Variants in FBLN1 observed in about 807,000 individuals in gnomAD.
FBLN1 encodes fibulin-1.
A neutral mutation model predicts 89.7 loss-of-function variants in FBLN1; 34 were observed. That is an observed-to-expected ratio of 0.38 (90% confidence interval 0.29 to 0.50). FBLN1 has a LOEUF of 0.50. FBLN1 is among the 20% of genes least tolerant of loss of function. The probability of loss-of-function intolerance (pLI) is 0.92; values close to 1 mark genes in which losing one functional copy is unlikely to be tolerated. For missense variants in FBLN1, 777 were observed against 988.1 expected, an observed-to-expected ratio of 0.79 and a Z score of 2.86; for synonymous variants, 393 against 391.3, an observed-to-expected ratio of 1.00 and a Z score of -0.05.
rs749250097 is a variant in FBLN1 at position 45,535,352 on chromosome 22, G to A, written c.922+15G>A. On this transcript the variant is annotated intron_variant, in intron 8 of 16. Transcript: ENST00000327858. ...CAACTGTATTGGTAAGAGGTGTGCC[G>A]CCAGGATTAGCGGGTTATTCCAGGA... 5.0e-6 allele frequency: 8 copies of A among 1,613,792 alleles called. No individual in the cohort carries two copies. Among genetic ancestry groups the A allele is most frequent in the African/African-American group, 1.3e-5 (1 of 75,040 alleles).
At chr22:45,544,571 C>T (rs2088602252) in intron 11 of FBLN1, among the ~76,000 whole-genome samples, 1 of 152,194 alleles carries the variant, frequency 6.6e-6, no homozygotes, top group Non-Finnish European at 1.5e-5. Flanking sequence ...AAAGTAGATG[C>T]TTCTAAGGAA....
Position 45,564,192 on chromosome 22 carries a change from C to T in FBLN1, c.1698-10319C>T, listed in dbSNP as rs536502701. 8.5e-4 allele frequency among the ~76,000 whole-genome samples: 129 copies of T among 152,006 alleles called. 1 individual carries two copies. The highest frequency in any genetic ancestry group is 2.8e-3 in the African/African-American group (115 of 41,510). ...AATACCTCCACTGAGGGCCTTAACC[C>T]CCTGCCTCCCTCCATCTCCTCCACC... On this transcript the variant is annotated intron_variant, in intron 14 of 16. Coordinates refer to ENST00000327858, the MANE Select transcript of FBLN1 (RefSeq NM_006486.3).
In FBLN1 at chr22:45,561,720, G is replaced by A. The variant is rs904329845; in HGVS notation, c.1697+11105G>A. ...GGTTCTCTAGAGGGACAGAACTAACGGAATACATATGTATAATGGAGAGTT... is the reference window on the plus strand; with the variant it reads ...GGTTCTCTAGAGGGACAGAACTAACAGAATACATATGTATAATGGAGAGTT... On this transcript the variant is annotated intron_variant, in intron 14 of 16. Transcript: ENST00000327858. The surrounding 1 kb of genome is among the most constrained non-coding windows in gnomAD (Gnocchi z 4.7). Among the ~76,000 whole-genome samples the A allele has an allele frequency of 1.3e-5, 2 of 152,096 alleles. No individual in the cohort carries two copies. Among genetic ancestry groups the A allele is most frequent in the African/African-American group, 2.4e-5 (1 of 41,396 alleles).
chr22:45,513,474 T>C (rs715511), intron 1 of FBLN1, among the ~76,000 whole-genome samples: 20,978 of 152,012 alleles, frequency 0.14, 1,705 homozygotes, highest in Middle Eastern at 0.27. Flanking sequence ...ACCCGGCTAA[T>C]TGTAGCTGGG....
chr22:45,539,644 G>A (rs535257793), intron 8 of FBLN1, among the ~76,000 whole-genome samples: 2 of 152,350 alleles, frequency 1.3e-5, no homozygotes, highest in South Asian at 2.1e-4. Context: ...CCAAGTGAAC[G>A]GGGACCTTGG....
At chr22:45,523,049 G>A (rs761936889) in intron 2 of FBLN1, 1 of 675,396 alleles carries the variant, frequency 1.5e-6, no homozygotes, top group South Asian at 1.7e-5. Context: ...GGGAAACAGG[G>A]AGGCATAGGG....
At chr22:45,517,653 C>A (rs1569235409) in intron 1 of FBLN1, 1 of 470,834 alleles carries the variant, frequency 2.1e-6, no homozygotes, top group East Asian at 7.0e-5. Context: ...CTGTCCTCAC[C>A]AGACTTCTCA....
Position 45,532,541 on chromosome 22 carries a change from C to T in FBLN1, c.545-522C>T, listed in dbSNP as rs1474383998. Among the ~76,000 whole-genome samples the T allele has an allele frequency of 2.6e-5, 4 of 152,094 alleles. No individual in the cohort carries two copies. Among genetic ancestry groups the T allele is most frequent in the African/African-American group, 9.7e-5 (4 of 41,392 alleles). ...TTTGCACTCTGAGCATCACTCTGGCCACCCTGTAGGAAGAACAGGTTGTGG... is the reference window on the plus strand; with the variant it reads ...TTTGCACTCTGAGCATCACTCTGGCTACCCTGTAGGAAGAACAGGTTGTGG... On this transcript the variant is annotated intron_variant, in intron 5 of 16. Transcript: ENST00000327858. The surrounding 1 kb of genome is among the most constrained non-coding windows in gnomAD (Gnocchi z 4.2).
In FBLN1 at chr22:45,581,449, C is replaced by T. The variant is rs1156327314; in HGVS notation, c.1972+4341C>T. ...TAGGAGGGCCTGGCCTGCAAAAACG[C>T]CCTCCCTATTTCTCCAGGGAGGGAA... On this transcript the variant is annotated intron_variant, in intron 16 of 16. Transcript: ENST00000327858. This position sits in a 1 kb window ranked among gnomAD's most constrained non-coding sequence, Gnocchi z 7.6. Among the ~76,000 whole-genome samples, 1 of 152,080 alleles carries T rather than the reference C, an allele frequency of 6.6e-6. No individual in the cohort carries two copies. Among genetic ancestry groups the T allele is most frequent in the Non-Finnish European group, 1.5e-5 (1 of 68,024 alleles).
At chr22:45,554,905 C>T (rs1186125749) in intron 14 of FBLN1, among the ~76,000 whole-genome samples, 1 of 152,262 alleles carries the variant, frequency 6.6e-6, no homozygotes, top group East Asian at 1.9e-4. Flanking sequence ...TAATACCGAT[C>T]TCCATCCTGT....
chr22:45,547,868 T>G (rs910327746), intron 12 of FBLN1, among the ~76,000 whole-genome samples: 2 of 151,650 alleles, frequency 1.3e-5, no homozygotes, highest in African/African-American at 4.9e-5. Flanking sequence ...GGCTGAGAGG[T>G]AAGGAGGGGG....
At chr22:45,600,260 G>A (rs765411269) in intron 16 of FBLN1, 47 bp from the exon 17 acceptor site, 2 of 1,613,344 alleles carry the variant, frequency 1.2e-6, no homozygotes, top group Admixed American at 1.7e-5. Flanking sequence ...TCTCTACGTT[G>A]CTGCAGTCCC....
At chr22:45,592,312 T>C (rs535646256) in intron 16 of FBLN1, among the ~76,000 whole-genome samples, 6 of 152,156 alleles carry the variant, frequency 3.9e-5, no homozygotes, top group Non-Finnish European at 8.8e-5. Flanking sequence ...GTGCTGACAA[T>C]ACTTCCATGT....
intron 2 of FBLN1, among the ~76,000 whole-genome samples, chr22:45,522,592 C>T (rs138507962): frequency 4.6e-5 from 7 of 152,302 alleles, no homozygotes; most frequent in African/African-American, 1.7e-4. Context: ...GTTAAGCAGC[C>T]TGCAGCTTCA....
At position 45,578,658 on chromosome 22, in the gene FBLN1, G is replaced by A. The variant is rs1413379282; in HGVS notation, c.1972+1550G>A. ...TTGTCCTGTCCCACTGGGTGGGTGG[G>A]GTATGCACCCTGACACTGGCCCACA... is the stretch of plus-strand genomic sequence containing the variant. On this transcript the variant is annotated intron_variant, in intron 16 of 16. Coordinates refer to ENST00000327858, the MANE Select transcript of FBLN1 (RefSeq NM_006486.3). The surrounding 1 kb of genome is among the most constrained non-coding windows in gnomAD (Gnocchi z 4.6). Among the ~76,000 whole-genome samples the A allele has an allele frequency of 6.6e-5, 10 of 152,162 alleles. No homozygotes were observed. In the East Asian group the frequency reaches 1.9e-3, roughly 29 times the overall value.
At chr22:45,573,933 T>C (rs2088972137) in intron 14 of FBLN1, among the ~76,000 whole-genome samples, 1 of 152,156 alleles carries the variant, frequency 6.6e-6, no homozygotes, top group Non-Finnish European at 1.5e-5. Flanking sequence ...TGTAAAAATC[T>C]GTCTAGCACA....
At chr22:45,560,703 T>G (rs746500473) in intron 14 of FBLN1, among the ~76,000 whole-genome samples, 3 of 152,196 alleles carry the variant, frequency 2.0e-5, no homozygotes, top group Non-Finnish European at 4.4e-5. Flanking sequence ...CTCATGCCCG[T>G]TCTCCAGATT....
intron 1 of FBLN1, among the ~76,000 whole-genome samples, chr22:45,507,782 C>A (rs2088042677): frequency 6.6e-6 from 1 of 152,216 alleles, no homozygotes; most frequent in Admixed American, 6.5e-5. Context: ...CCTGTCTCGG[C>A]CTCCCAAAGT....
In FBLN1 at chr22:45,535,262, C is replaced by T; in HGVS notation, c.847C>T (p.Leu283=). Residue 283 remains leucine, a synonymous_variant, in exon 8 of 17, where the codon CTG becomes TTG. Transcript: ENST00000327858. The part of the protein sequence containing the change: ...CLPDFICQNT[L]GSFRCRPKLQ... ...CCCCGATTTTATCTGTCAGAATACTCTGGGATCCTTCCGCTGCCGACCCAA... is the reference window on the plus strand; with the variant it reads ...CCCCGATTTTATCTGTCAGAATACTTTGGGATCCTTCCGCTGCCGACCCAA... The T allele has an allele frequency of 6.2e-7, 1 of 1,614,164 alleles. No homozygotes were observed. The highest frequency in any genetic ancestry group is 1.3e-5 in the African/African-American group (1 of 75,038).
Sources: gnomAD v4.1 joint callset for allele counts (sites outside exome capture counted in the v4.1 genomes callset) on GRCh38, gnomAD v4.1.1 for gene constraint, Gnocchi (gnomAD v3.1) non-coding constraint, MANE v1.5 for transcripts, NCBI Gene and HGNC (gene_info 2026-07-23, HGNC 2026-07-21) for gene names.